The following RPH3A variants were observed in gnomAD, a reference collection of about 807,000 sequenced individuals.
RPH3A encodes the protein rabphilin 3A, also known as rabphilin-3A.
A neutral mutation model predicts 102.2 loss-of-function variants in RPH3A; 48 were observed. The ratio of observed to expected loss-of-function variants is 0.47; its 90% CI spans 0.37 to 0.60. The LOEUF is 0.60. Among genes scored for constraint, RPH3A ranks in the 20% least tolerant of loss-of-function variants. The pLI, the probability that RPH3A is intolerant of heterozygous loss-of-function variation, is 0.00. For missense variants in RPH3A, 781 were observed against 910.1 expected, an observed-to-expected ratio of 0.86 and a Z score of 1.83; for synonymous variants, 310 against 324.3, an observed-to-expected ratio of 0.96 and a Z score of 0.47.
At chr12:112,678,281 G>T (rs2038881958) in intron 1 of RPH3A, among the ~76,000 whole-genome samples, 1 of 75,446 alleles carries the variant, frequency 1.3e-5, no homozygotes, top group Non-Finnish European at 2.6e-5. Flanking sequence ...AAGAAAGAAA[G>T]AAAGAAAGAA....
chr12:112,732,526 G>T (rs1052303909), intron 1 of RPH3A, among the ~76,000 whole-genome samples: 2 of 152,206 alleles, frequency 1.3e-5, no homozygotes, highest in African/African-American at 4.8e-5. Context: ...CCCAAGAAAT[G>T]GCTTTGTGGG....
chr12:112,661,656 CTCAGA>C (rs1378946175), intron 1 of RPH3A, among the ~76,000 whole-genome samples: 1 of 152,198 alleles, frequency 6.6e-6, no homozygotes, highest in African/African-American at 2.4e-5. Flanking sequence ...GCAACTGAAC[CTCAGA>C]AATGAGTGAG....
intron 1 of RPH3A, among the ~76,000 whole-genome samples, chr12:112,611,652 G>A (rs906773058): frequency 6.6e-6 from 1 of 152,054 alleles, no homozygotes; most frequent in Admixed American, 6.6e-5. Context: ...CACCATGTTG[G>A]TCAGGCTGGT....
At chr12:112,845,976 A>G (rs1191812626) in intron 4 of RPH3A, among the ~76,000 whole-genome samples, 1 of 152,158 alleles carries the variant, frequency 6.6e-6, no homozygotes, top group Non-Finnish European at 1.5e-5. Flanking sequence ...CAGCAAGTGC[A>G]AAGGCCCTGA....
chr12:112,641,683 C>G (rs767809993), intron 1 of RPH3A, among the ~76,000 whole-genome samples: 1 of 152,224 alleles, frequency 6.6e-6, no homozygotes, highest in Non-Finnish European at 1.5e-5. Context: ...CAGGCATGAG[C>G]CACCGTGCCC....
intron 11 of RPH3A, among the ~76,000 whole-genome samples, chr12:112,875,472 C>T (rs1212430302): frequency 2.6e-5 from 4 of 152,160 alleles, no homozygotes; most frequent in South Asian, 2.1e-4. Context: ...CAAGTCAAGG[C>T]TCAGGAAGTT....
chr12:112,657,289 A>G (rs181294404), intron 1 of RPH3A, among the ~76,000 whole-genome samples: 2 of 147,362 alleles, frequency 1.4e-5, no homozygotes, highest in East Asian at 2.0e-4. Flanking sequence ...TAATGGCGTT[A>G]TTTTTTTTTT....
intron 20 of RPH3A, 168 bp from the exon 21 acceptor site, chr12:112,895,609 G>T (rs1180805461): frequency 7.0e-6 from 4 of 572,772 alleles, no homozygotes; most frequent in Non-Finnish European, 9.5e-6. Context: ...GTTGGAAGGG[G>T]ATCACGGGAC....
chr12:112,812,603 C>T (rs1342647835), intron 2 of RPH3A, among the ~76,000 whole-genome samples: 1 of 152,168 alleles, frequency 6.6e-6, no homozygotes. Context: ...TAAGTCAAGT[C>T]ATACATGGTA....
At chr12:112,782,224 T>C (rs1201024166) in intron 1 of RPH3A, among the ~76,000 whole-genome samples, 1 of 152,248 alleles carries the variant, frequency 6.6e-6, no homozygotes, top group Non-Finnish European at 1.5e-5. Flanking sequence ...CCTGCTTGAT[T>C]ACCTGCTAAT....
intron 7 of RPH3A, among the ~76,000 whole-genome samples, 165 bp downstream of exon 7, chr12:112,867,005 C>CT (rs1448090758): frequency 6.6e-6 from 1 of 152,148 alleles, no homozygotes; most frequent in Non-Finnish European, 1.5e-5. Context: ...GCTTCTGTGA[C>CT]TTTTTTTCTT....
intron 5 of RPH3A, among the ~76,000 whole-genome samples, chr12:112,854,983 C>T (rs974874441): frequency 6.6e-6 from 1 of 151,980 alleles, no homozygotes; most frequent in Non-Finnish European, 1.5e-5. Context: ...TTGAACAGTT[C>T]ATTCCTCTTT....
At chr12:112,674,221 C>T (rs2040156068) in intron 1 of RPH3A, among the ~76,000 whole-genome samples, 1 of 152,170 alleles carries the variant, frequency 6.6e-6, no homozygotes, top group African/African-American at 2.4e-5. Flanking sequence ...CCGCACTTGG[C>T]TAATTTTTCA....
chr12:112,695,736 A>G (rs962422851), intron 1 of RPH3A, among the ~76,000 whole-genome samples: 1 of 152,272 alleles, frequency 6.6e-6, no homozygotes, highest in African/African-American at 2.4e-5. Context: ...TTTGCTATGC[A>G]CAGGGAAAGT....
chr12:112,876,727 C>T lies in RPH3A; in HGVS notation c.1032C>T (p.Ala344=), dbSNP rs2042807910. The T allele has an allele frequency of 4.3e-6, 7 of 1,613,406 alleles. No homozygotes were observed. The South Asian group carries it at 5.5e-5, about 13-fold the overall frequency. The change falls in exon 13 of 22, where the codon GCC becomes GCT. Residue 344 remains alanine (A), a synonymous_variant. Coordinates refer to ENST00000389385, the MANE Select transcript of RPH3A (RefSeq NM_001143854.2). ...TCGGGGGCTACCCAGCAGTTGGAGCCAGAGAGGACCGAATGAGCCACCCCT... is the reference window on the plus strand; with the variant it reads ...TCGGGGGCTACCCAGCAGTTGGAGCTAGAGAGGACCGAATGAGCCACCCCT... ...GGVGGYPAVG[A]REDRMSHPSG...
At chr12:112,891,608 T>C (rs993000857) in intron 19 of RPH3A, among the ~76,000 whole-genome samples, 9 of 152,132 alleles carry the variant, frequency 5.9e-5, no homozygotes, top group African/African-American at 1.7e-4. Context: ...ACAATGCAAG[T>C]CTGACCTGAG....
intron 2 of RPH3A, among the ~76,000 whole-genome samples, chr12:112,804,732 C>T (rs913563195): frequency 8.2e-4 from 125 of 152,188 alleles, no homozygotes; most frequent in African/African-American, 2.9e-3. Context: ...GTGGGGATGC[C>T]GCTAATAACA....
rs2043223730 is a variant in RPH3A at position 112,898,542 on chromosome 12, C to T, written c.*1762C>T. The T allele has an allele frequency of 6.6e-6, 1 of 152,402 alleles. No individual in the cohort carries two copies. Among genetic ancestry groups the T allele is most frequent in the Non-Finnish European group, 1.5e-5 (1 of 68,184 alleles). The allele number at this position is 152,402 out of a possible 1,614,324, so 9.4% of individuals were successfully genotyped here. A position where few individuals can be genotyped will look rare whatever the true frequency, so the allele number is the denominator to read the frequency against. On this transcript the variant is annotated 3_prime_UTR_variant, in exon 22 of 22. Transcript: ENST00000389385. ...TCTAAACATCGAGCTCTTCACCTTC[C>T]CCAAGGTGGCCAACAGCTTCCTGGC...
intron 6 of RPH3A, among the ~76,000 whole-genome samples, chr12:112,866,477 G>C (rs973792333): frequency 6.6e-6 from 1 of 152,076 alleles, no homozygotes; most frequent in African/African-American, 2.4e-5. Context: ...TTAGAAAAAA[G>C]TATGTCAGTG....
Sources: allele counts gnomAD v4.1 joint callset (sites outside exome capture counted in the v4.1 genomes callset), GRCh38; gene constraint gnomAD v4.1.1; transcripts MANE v1.5; gene names NCBI Gene and HGNC (gene_info 2026-07-23, HGNC 2026-07-21).